COL12A1: variants seen among roughly 807,000 people sequenced by gnomAD.
COL12A1 encodes collagen type XII alpha 1 chain, also known as collagen alpha-1(XII) chain.
A neutral mutation model predicts 349.7 loss-of-function variants in COL12A1; 114 were observed. The ratio of observed to expected loss-of-function variants is 0.33; its 90% confidence interval spans 0.28 to 0.38. COL12A1 has a LOEUF of 0.38. Ranked by LOEUF, COL12A1 falls within the 10% of genes least tolerant of loss-of-function variation. The pLI, the probability that COL12A1 is intolerant of heterozygous loss-of-function variation, is 1.00. For missense variants in COL12A1, 3,284 were observed against 3,756.9 expected (o/e 0.87, Z 3.29); for synonymous variants, 1,369 against 1,329.0 (o/e 1.03, Z -0.66).
chr6:75,140,395 G>C (rs1766830545), intron 27 of COL12A1, among the ~76,000 whole-genome samples: 1 of 152,126 alleles, frequency 6.6e-6, no homozygotes, highest in Non-Finnish European at 1.5e-5. Flanking sequence ...TGTGGCTCAC[G>C]CCTGTAATCC....
In COL12A1 at chr6:75,085,017, C is replaced by T. The variant is rs1767410298; in HGVS notation, c.*1530G>A. The T allele has an allele frequency of 6.3e-6, 2 of 316,404 alleles. No homozygotes were observed. The highest frequency in any genetic ancestry group is 7.7e-5 in the Admixed American group (2 of 25,972). 19.6% of individuals were successfully genotyped at this position (316,404 alleles called of 1,614,324 possible). ...GGCAAAAATGTCTACAGACTGCGTG[C>T]TTGGAGCTAGGCTTCCTGCAGAAAC... On this transcript the variant is annotated 3_prime_UTR_variant, in exon 66 of 66. Coordinates refer to ENST00000322507, the MANE Select transcript of COL12A1 (RefSeq NM_004370.6).
intron 13 of COL12A1, among the ~76,000 whole-genome samples, chr6:75,167,841 C>T (rs1768389295): frequency 6.6e-6 from 1 of 152,152 alleles, no homozygotes; most frequent in South Asian, 2.1e-4. Context: ...GCAATGAAGA[C>T]CTTTCCCAAG....
intron 51 of COL12A1, among the ~76,000 whole-genome samples, chr6:75,110,845 G>T (rs1768803516): frequency 6.6e-6 from 1 of 151,958 alleles, no homozygotes; most frequent in African/African-American, 2.4e-5. Flanking sequence ...GAATTAGACG[G>T]AAAGTGAAGA....
At chr6:75,159,247 A>C (rs1438220106) in intron 14 of COL12A1, among the ~76,000 whole-genome samples, 1 of 151,240 alleles carries the variant, frequency 6.6e-6, no homozygotes, top group African/African-American at 2.4e-5. Flanking sequence ...TATAATTTCA[A>C]TCAAAATTAT....
At chr6:75,095,031 T>C in intron 60 of COL12A1, 77 bp downstream of exon 60, 1 of 1,320,856 alleles carries the variant, frequency 7.6e-7, no homozygotes. Context: ...AACCTAAATA[T>C]AACAAAGCTT....
chr6:75,131,066 T>C (rs1766279173), intron 35 of COL12A1, 85 bp from the exon 36 acceptor site: 2 of 1,556,696 alleles, frequency 1.3e-6, no homozygotes, highest in African/African-American at 1.4e-5. Flanking sequence ...ATAGTATTTA[T>C]AATAAAATGT....
In COL12A1 at chr6:75,133,272, T is replaced by C. The variant is rs369526868; in HGVS notation, c.5794+21A>G. 1.9e-5 allele frequency: 29 copies of C among 1,553,048 alleles called. No individual in the cohort carries two copies. In the African/African-American group the frequency reaches 3.2e-4, roughly 17 times the overall value. Reference sequence around the variant, plus strand: ...AGCAACACTTATGATGAAAAATTAATTTTTTGGCTTTATTACTTACATGTC... The same window carrying C: ...AGCAACACTTATGATGAAAAATTAACTTTTTGGCTTTATTACTTACATGTC... On this transcript the variant is annotated intron_variant, in intron 34 of 65. Coordinates refer to ENST00000322507, the MANE Select transcript of COL12A1 (RefSeq NM_004370.6).
At chr6:75,172,927 G>T (rs1343392001) in intron 13 of COL12A1, among the ~76,000 whole-genome samples, 1 of 152,184 alleles carries the variant, frequency 6.6e-6, no homozygotes, top group Non-Finnish European at 1.5e-5. Flanking sequence ...CCCTAGGGCC[G>T]ACTGCCGGAC....
chr6:75,163,043 A>T (rs1207569378), intron 14 of COL12A1, among the ~76,000 whole-genome samples: 1 of 152,224 alleles, frequency 6.6e-6, no homozygotes, highest in Non-Finnish European at 1.5e-5. Context: ...GAGAAATAGG[A>T]ACGCTTTTAC....
At chr6:75,147,604 G>C in intron 23 of COL12A1, 71 bp downstream of exon 23, 2 of 1,391,554 alleles carry the variant, frequency 1.4e-6, no homozygotes, top group Non-Finnish European at 1.9e-6. Context: ...TTGGAAGGTA[G>C]GCAAAAATGG....
rs754458140 is a variant in COL12A1, at chr6:75,181,041, G to C, written c.2062C>G (p.Leu688Val). Residue 688 changes from leucine (L) to valine (V), a missense_variant, in exon 11 of 66, where the codon CTC becomes GTC. Around this residue, in one of 2 missense-constraint regions of COL12A1, gnomAD observed 2,601 missense variants for 2,824.8 expected, o/e 0.92. Transcript: ENST00000322507. ...VEPASSTSVV[L>V]SSLKPETLYL... ...AAGGTCTCTGGCTTCAGGCTGCTGAGAACAACACTGGTGCTCGATGCTGGC... is the reference window on the plus strand; with the variant it reads ...AAGGTCTCTGGCTTCAGGCTGCTGACAACAACACTGGTGCTCGATGCTGGC... 1.2e-5 allele frequency: 19 copies of C among 1,614,042 alleles called. No homozygotes were observed. Among genetic ancestry groups the C allele is most frequent in the South Asian group, 2.2e-5 (2 of 91,064 alleles).
intron 63 of COL12A1, among the ~76,000 whole-genome samples, chr6:75,089,709 G>A (rs75773704): frequency 0.015 from 2,307 of 152,134 alleles, 51 homozygotes; most frequent in African/African-American, 0.052. Flanking sequence ...AAACATACAA[G>A]ACCAGTGCCA....
intron 2 of COL12A1, among the ~76,000 whole-genome samples, chr6:75,199,104 C>T (rs1006467438): frequency 1.3e-5 from 2 of 152,122 alleles, no homozygotes; most frequent in African/African-American, 2.4e-5. Flanking sequence ...ATTTTGTACA[C>T]ATTACAAAAC....
Position 75,086,474 on chromosome 6 carries a change from G to A in COL12A1, c.*73C>T, listed in dbSNP as rs1233666621. On this transcript the variant is annotated 3_prime_UTR_variant, in exon 66 of 66. Coordinates refer to ENST00000322507, the MANE Select transcript of COL12A1 (RefSeq NM_004370.6). The stretch of plus-strand genomic sequence containing the variant: ...TACAGACTCATTTCCTAATAAGCAC[G>A]TGCGCAAACATCTCAGAAACAGGAT... 1.5e-5 allele frequency: 21 copies of A among 1,390,086 alleles called. No homozygotes were observed. The East Asian group carries it at 2.7e-4, about 18-fold the overall frequency. 86.1% of individuals were successfully genotyped at this position (1,390,086 alleles called of 1,614,324 possible).
chr6:75,125,350 T>C (rs1765961584), intron 39 of COL12A1, 77 bp from the exon 40 acceptor site: 3 of 1,371,858 alleles, frequency 2.2e-6, no homozygotes, highest in African/African-American at 1.5e-5. Context: ...AAAGATCTTA[T>C]AGTCAAAGGG....
At position 75,133,937 on chromosome 6, in the gene COL12A1, A is replaced by G. The variant is rs200029869; in HGVS notation, c.5585T>C (p.Val1862Ala). The change falls in exon 33 of 66, where the codon GTC (valine) becomes GCC (alanine). Residue 1862 changes from valine to alanine, a missense_variant. Val to Ala is a moderately conservative substitution (Grantham distance 64, BLOSUM62 0). Transcript: ENST00000322507. Reference sequence around the variant, plus strand: ...ATTTCCCTCTGCATGGTCCCAGCGGACATTCAAGGTGCTGGTAGAAGGGTC... The same window carrying G: ...ATTTCCCTCTGCATGGTCCCAGCGGGCATTCAAGGTGCTGGTAGAAGGGTC... ...VYDPSTSTLN[V>A]RWDHAEGNPR... 403 of 1,614,076 alleles carry G rather than the reference A, an allele frequency of 2.5e-4. No individual in the cohort carries two copies. Among genetic ancestry groups the G allele is most frequent in the East Asian group, 7.6e-4 (34 of 44,872 alleles).
At chr6:75,113,883 G>A (rs912095645) in intron 49 of COL12A1, 139 bp from the exon 50 acceptor site, 4 of 609,646 alleles carry the variant, frequency 6.6e-6, no homozygotes, top group African/African-American at 3.8e-5. Flanking sequence ...AGTATTAGAG[G>A]CTATTTATAC....
At position 75,145,910 on chromosome 6, in the gene COL12A1, A is replaced by C. The variant is rs927546970; in HGVS notation, c.4560+192T>G. Among the ~76,000 whole-genome samples, 2 of 152,160 alleles carry C rather than the reference A, an allele frequency of 1.3e-5. 1 individual carries two copies. The highest frequency in any genetic ancestry group is 4.1e-4 in the South Asian group (2 of 4,832). Reference sequence around the variant, plus strand: ...GCCTCCCAAAGTGCTGAGATTACACAGGCGTCAGTCACCGTGGGCAGTCCA... The same window carrying C: ...GCCTCCCAAAGTGCTGAGATTACACCGGCGTCAGTCACCGTGGGCAGTCCA... On this transcript the variant is annotated intron_variant, in intron 24 of 65. Transcript: ENST00000322507.
intron 60 of COL12A1, among the ~76,000 whole-genome samples, chr6:75,093,054 G>A (rs560273517): frequency 6.6e-6 from 1 of 152,242 alleles, no homozygotes; most frequent in South Asian, 2.1e-4. Flanking sequence ...CACCTTGTCA[G>A]AGAGGTTCCT....
Sources: gnomAD v4.1 joint callset for allele counts (sites outside exome capture counted in the v4.1 genomes callset) on GRCh38, gnomAD v4.1.1 for gene constraint, gnomAD v4.1.1 regional missense constraint, MANE v1.5 for transcripts, NCBI Gene and HGNC (gene_info 2026-07-23, HGNC 2026-07-21) for gene names.